The following FRY variants were observed in gnomAD, a reference collection of about 807,000 sequenced individuals.
FRY encodes the protein FRY microtubule binding protein, also known as protein furry homolog.
In FRY, 128 loss-of-function variants were observed where a neutral mutation model predicts 348.4. That is an observed-to-expected ratio of 0.37 (90% CI 0.32 to 0.43). The LOEUF (loss-of-function observed/expected upper bound fraction) is 0.43. FRY is among the 20% of genes least tolerant of loss of function. The pLI, the probability that FRY is intolerant of heterozygous loss-of-function variation, is 1.00. For synonymous variants in FRY, 1,370 were observed against 1,374.7 expected (o/e 1.00, Z 0.08); for missense variants, 2,736 against 3,695.2 (o/e 0.74, Z 6.73).
intron 29 of FRY, among the ~76,000 whole-genome samples, chr13:32,194,880 C>T (rs1322572875): frequency 6.9e-6 from 1 of 145,774 alleles, no homozygotes; most frequent in Non-Finnish European, 1.5e-5. Context: ...AATAAAGATT[C>T]TCCAAGTTGC....
chr13:32,228,007 C>T (rs890277402), intron 39 of FRY, among the ~76,000 whole-genome samples: 2 of 152,194 alleles, frequency 1.3e-5, no homozygotes, highest in Admixed American at 6.5e-5. Flanking sequence ...GCCTCAGCCT[C>T]CCAAAGTGCT....
chr13:32,071,209 T>C lies in FRY; in HGVS notation c.71-7625T>C, dbSNP rs528477929. ...CGGCTATGCAGACTCTTTTTTGGTT[T>C]CATATGAACTTTAAAGTAGTTTTTT... is the stretch of plus-strand genomic sequence containing the variant. On this transcript the variant is annotated intron_variant, in intron 1 of 60. Coordinates refer to ENST00000542859, the MANE Select transcript of FRY (RefSeq NM_023037.3). 2.0e-3 allele frequency among the ~76,000 whole-genome samples: 297 copies of C among 152,280 alleles called. 1 individual carries two copies. Among genetic ancestry groups the C allele is most frequent in the Middle Eastern group, 6.8e-3 (2 of 294 alleles).
chr13:32,068,761 C>T (rs1874415343), intron 1 of FRY, among the ~76,000 whole-genome samples: 1 of 152,126 alleles, frequency 6.6e-6, no homozygotes, highest in Non-Finnish European at 1.5e-5. Context: ...AGAACTGTGC[C>T]TTCAAGTAGA....
chr13:32,106,957 A>G (rs1877592753), intron 3 of FRY, among the ~76,000 whole-genome samples: 1 of 152,212 alleles, frequency 6.6e-6, no homozygotes, highest in Admixed American at 6.5e-5. Flanking sequence ...ATATATTTAG[A>G]AGCTAAAACT....
chr13:32,187,631 A>G lies in FRY; in HGVS notation c.3566A>G (p.Asn1189Ser), dbSNP rs756653277. Residue 1189 changes from asparagine (N) to serine (S), a missense_variant, in exon 28 of 61, where the codon AAC (asparagine) becomes AGC (serine). Asn to Ser is a conservative substitution (Grantham distance 46, BLOSUM62 1). This residue lies in a region of FRY where 33 missense variants were observed against 86.7 expected (regional missense o/e 0.38). Coordinates refer to ENST00000542859, the MANE Select transcript of FRY (RefSeq NM_023037.3). ...GGCTACCTATATAAATGGCTTGACA[A>G]CATTCTGGCTTGTCAAGATTTACGA... is the stretch of plus-strand genomic sequence containing the variant. ...PDGYLYKWLD[N>S]ILACQDLRVH... The G allele has an allele frequency of 1.2e-6, 2 of 1,607,228 alleles. No homozygotes were observed. Among genetic ancestry groups the G allele is most frequent in the Non-Finnish European group, 1.7e-6 (2 of 1,173,796 alleles).
intron 7 of FRY, among the ~76,000 whole-genome samples, chr13:32,126,269 T>TG (rs34505784): frequency 0.65 from 99,268 of 151,956 alleles, 32,758 homozygotes; most frequent in South Asian, 0.69. Context: ...AACTTCAGTA[T>TG]CCAAAAATGA....
Position 32,267,320 on chromosome 13 carries a change from T to C in FRY, c.8097T>C (p.Cys2699=), listed in dbSNP as rs760258827. The C allele has an allele frequency of 3.1e-6, 5 of 1,614,052 alleles. No individual in the cohort carries two copies. Reference sequence around the variant, plus strand: ...TTATGTGTGACTCAGATGGCTCCTGTGCTGTGTATACATTTCATGTGTTCT... The same window carrying C: ...TTATGTGTGACTCAGATGGCTCCTGCGCTGTGTATACATTTCATGTGTTCT... ...NQLMCDSDGS[C]AVYTFHVFSS... The change falls in exon 55 of 61, where the codon TGT becomes TGC. Residue 2699 remains cysteine, a synonymous_variant. Transcript: ENST00000542859.
intron 55 of FRY, among the ~76,000 whole-genome samples, chr13:32,269,088 T>A (rs1888087955): frequency 6.6e-6 from 1 of 152,136 alleles, no homozygotes; most frequent in Admixed American, 6.5e-5. Flanking sequence ...TTAGTTGGAC[T>A]GAGGGAAGGA....
At chr13:32,122,444 A>G (rs1878725587) in intron 4 of FRY, among the ~76,000 whole-genome samples, 1 of 147,896 alleles carries the variant, frequency 6.8e-6, no homozygotes, top group Non-Finnish European at 1.5e-5. Flanking sequence ...TCCGCCTCAG[A>G]AAAAAAAAAA....
In FRY at chr13:32,208,970, C is replaced by T. The variant is rs746244232; in HGVS notation, c.4136C>T (p.Ser1379Leu). 5 of 1,614,098 alleles carry T rather than the reference C, an allele frequency of 3.1e-6. No homozygotes were observed. The highest frequency in any genetic ancestry group is 1.1e-5 in the South Asian group (1 of 91,066). ...GACAGCAGGCTCCTCCTCCCGGGGTCGAGCCCCAGCAGCCCAGAGGACGAA... is the reference window on the plus strand; with the variant it reads ...GACAGCAGGCTCCTCCTCCCGGGGTTGAGCCCCAGCAGCCCAGAGGACGAA... ...LVDSRLLLPGSSPSSPEDEVK... is the reference protein window; with the variant it reads ...LVDSRLLLPGLSPSSPEDEVK... The change falls in exon 32 of 61, where the codon TCG becomes TTG. Residue 1379 changes from serine to leucine, a missense_variant. Ser to Leu is a moderately radical substitution (Grantham distance 145). This residue lies in a region of FRY where 794 missense variants were observed against 977.0 expected (regional missense o/e 0.81). Transcript: ENST00000542859.
intron 14 of FRY, 90 bp from the exon 15 acceptor site, chr13:32,155,401 T>C: frequency 1.1e-6 from 1 of 911,582 alleles, no homozygotes; most frequent in Non-Finnish European, 1.8e-6. Flanking sequence ...CTACATGCAA[T>C]TCAGTCTTAA....
At chr13:32,093,464 G>A (rs1593604262) in intron 2 of FRY, among the ~76,000 whole-genome samples, 1 of 152,076 alleles carries the variant, frequency 6.6e-6, no homozygotes, top group East Asian at 1.9e-4. Context: ...CTTTCCTTCA[G>A]TCTGGATGTG....
rs116370321 is a variant in FRY, at chr13:32,207,984, A to G, written c.4019-869A>G. 4.8e-3 allele frequency among the ~76,000 whole-genome samples: 730 copies of G among 152,352 alleles called. 6 individuals carry two copies. Among genetic ancestry groups the G allele is most frequent in the African/African-American group, 0.017 (695 of 41,582 alleles). ...CATCGGAGCCTACTGCATATACATA[A>G]TGCTGTGCTTCTCTATCTTAGAAAG... is the stretch of plus-strand genomic sequence containing the variant. On this transcript the variant is annotated intron_variant, in intron 31 of 60. Coordinates refer to ENST00000542859, the MANE Select transcript of FRY (RefSeq NM_023037.3).
rs552249398 is a variant in FRY, at chr13:32,273,222, CT to C, written c.8137-1601del. Among the ~76,000 whole-genome samples, 631 of 124,162 alleles carry C rather than the reference CT, an allele frequency of 5.1e-3. 4 individuals are homozygous for C. Among genetic ancestry groups the C allele is most frequent in the African/African-American group, 0.012 (397 of 32,096 alleles). 81.5% of individuals were successfully genotyped at this position (124,162 alleles called of 152,430 possible). ...ACCTTAAGCGAGTCATTTAACTGTTCTTTTTTTTTTTTTTTTTTTGAGACGG... is the reference window on the plus strand; with the variant it reads ...ACCTTAAGCGAGTCATTTAACTGTTCTTTTTTTTTTTTTTTTTTGAGACGG... On this transcript the variant is annotated intron_variant, in intron 55 of 60. Coordinates refer to ENST00000542859, the MANE Select transcript of FRY (RefSeq NM_023037.3).
intron 23 of FRY, among the ~76,000 whole-genome samples, chr13:32,180,957 C>T (rs976473864): frequency 2.0e-5 from 3 of 152,066 alleles, no homozygotes; most frequent in Admixed American, 1.3e-4. Flanking sequence ...GTGGCGTGAT[C>T]TTGGCTCACT....
At chr13:32,179,114 A>G (rs755281843) in intron 22 of FRY, 81 bp downstream of exon 22, 4 of 1,024,322 alleles carry the variant, frequency 3.9e-6, no homozygotes, top group Non-Finnish European at 6.1e-6. Context: ...TGCAAATTGC[A>G]CTGTGCCTGC....
chr13:32,111,741 C>T (rs1877979711), intron 3 of FRY, among the ~76,000 whole-genome samples: 2 of 152,144 alleles, frequency 1.3e-5, no homozygotes, highest in East Asian at 1.9e-4. Flanking sequence ...TTTGTCACAA[C>T]CCACTTATAT....
intron 2 of FRY, among the ~76,000 whole-genome samples, chr13:32,100,050 G>A (rs998359827): frequency 1.3e-4 from 19 of 151,718 alleles, no homozygotes; most frequent in Non-Finnish European, 8.8e-5. Context: ...ACCTTACTTT[G>A]CTTCTAAATC....
chr13:32,084,665 G>A (rs1030504400), intron 2 of FRY, among the ~76,000 whole-genome samples: 1 of 152,158 alleles, frequency 6.6e-6, no homozygotes, highest in Non-Finnish European at 1.5e-5. Flanking sequence ...ACAGTAATTA[G>A]TATAGACTAA....
Sources: gnomAD v4.1 joint callset for allele counts (sites outside exome capture counted in the v4.1 genomes callset) on GRCh38, gnomAD v4.1.1 for gene constraint, gnomAD v4.1.1 regional missense constraint, MANE v1.5 for transcripts, NCBI Gene and HGNC (gene_info 2026-07-23, HGNC 2026-07-21) for gene names.